Variants in RAB13 observed in about 807,000 individuals in gnomAD.
RAB13 encodes RAB13, member RAS oncogene family, also known as ras-related protein Rab-13.
In RAB13, 15 loss-of-function variants were observed where a neutral mutation model predicts 29.3. The observed-to-expected ratio is 0.51, with a 90% CI of 0.34 to 0.79. The LOEUF (loss-of-function observed/expected upper bound fraction) is 0.79, where lower values mean the gene tolerates loss of function less well. Ranked by LOEUF, RAB13 falls within the 30% of genes least tolerant of loss-of-function variation. RAB13 has a pLI of 0.01. For synonymous variants in RAB13, 82 were observed against 93.8 expected (o/e 0.87, Z 0.73); for missense variants, 186 against 255.5 (o/e 0.73, Z 1.85).
upstream of RAB13, among the ~76,000 whole-genome samples, chr1:153,989,151 C>T (rs1402084212): frequency 7.2e-6 from 1 of 139,174 alleles, no homozygotes; most frequent in African/African-American, 2.6e-5. Context: ...ACGCTGGTCT[C>T]GAACTCCCGA....
intron 2 of RAB13, 152 bp from the exon 3 acceptor site, chr1:153,983,733 G>T: frequency 1.5e-6 from 1 of 677,792 alleles, no homozygotes; most frequent in Non-Finnish European, 2.5e-6. Flanking sequence ...AGACAGTTGA[G>T]CTGATTTCCA....
upstream of RAB13, chr1:153,986,413 C>A: frequency 3.3e-6 from 2 of 606,744 alleles, no homozygotes; most frequent in African/African-American, 1.9e-5. Flanking sequence ...ACCCCCTGCC[C>A]GCCCACCCTT....
At chr1:153,990,643 C>T (rs1639503484), upstream of RAB13, 3 of 941,052 alleles carry the variant, frequency 3.2e-6, no homozygotes. Context: ...AAAATGGCAG[C>T]TCCCTTGTCT....
chr1:153,983,317 C>A, intron 3 of RAB13, 21 bp from the exon 4 acceptor site: 1 of 1,607,634 alleles, frequency 6.2e-7, no homozygotes, highest in East Asian at 2.2e-5. Flanking sequence ...ACAAAATTCA[C>A]CTTGGACCAT....
At chr1:153,984,641 G>T (rs1649102736) in intron 2 of RAB13, 80 bp downstream of exon 2, 10 of 1,325,070 alleles carry the variant, frequency 7.5e-6, no homozygotes, top group South Asian at 1.2e-5. Context: ...GAAAGGAAGA[G>T]AAATGAAACA....
chr1:153,990,668 A>C, upstream of RAB13: 1 of 1,298,926 alleles, frequency 7.7e-7, no homozygotes, highest in Non-Finnish European at 1.1e-6. Context: ...ACTGCGGCGG[A>C]TCAAAGTAAG....
chr1:153,986,303 T>C lies in RAB13; in HGVS notation c.-67A>G. The C allele has an allele frequency of 1.4e-6, 2 of 1,380,414 alleles. No individual in the cohort carries two copies. The highest frequency in any genetic ancestry group is 2.4e-5 in the South Asian group (2 of 82,928). 85.5% of individuals were successfully genotyped at this position (1,380,414 alleles called of 1,614,324 possible). Reference sequence around the variant, plus strand: ...GGCACTGGTAGGCGGGACTGGACGGTTGGCAAACAGAGCGGCACGGAGCCC... The same window carrying C: ...GGCACTGGTAGGCGGGACTGGACGGCTGGCAAACAGAGCGGCACGGAGCCC... On this transcript the variant is annotated 5_prime_UTR_variant, in exon 1 of 8. Transcript: ENST00000368575.
chr1:153,990,329 G>A (rs531838241), upstream of RAB13, among the ~76,000 whole-genome samples: 4 of 152,286 alleles, frequency 2.6e-5, no homozygotes, highest in East Asian at 1.9e-4. Context: ...GCCTCCCTAA[G>A]TGCTGGGATT....
At chr1:153,988,338 G>C (rs1649248309), upstream of RAB13, among the ~76,000 whole-genome samples, 1 of 139,114 alleles carries the variant, frequency 7.2e-6, no homozygotes, top group South Asian at 2.3e-4. Context: ...TGTCGACCTA[G>C]GCTGGGGTGC....
In RAB13 at chr1:153,982,724, C is replaced by T. The variant is rs757844951; in HGVS notation, c.409G>A (p.Asp137Asn). The T allele has an allele frequency of 1.4e-5, 22 of 1,614,080 alleles. No individual in the cohort carries two copies. Among genetic ancestry groups the T allele is most frequent in the Admixed American group, 1.0e-4 (6 of 60,004 alleles). ...AKRKVQKEQA[D>N]KLAREHGIRF... Reference sequence around the variant, plus strand: ...TTGCTCAGCCTGGCCCTCACCTTATCGGCCTGCTCCTTCTGCACCTTCCTC... The same window carrying T: ...TTGCTCAGCCTGGCCCTCACCTTATTGGCCTGCTCCTTCTGCACCTTCCTC... The change falls in exon 5 of 8, where the codon GAT becomes AAT. Residue 137 changes from aspartate to asparagine, a missense_variant. Asp to Asn is a conservative substitution (Grantham distance 23, BLOSUM62 1). Coordinates refer to ENST00000368575, the MANE Select transcript of RAB13 (RefSeq NM_002870.5).
upstream of RAB13, among the ~76,000 whole-genome samples, chr1:153,988,440 C>T (rs2147864265): frequency 6.7e-6 from 1 of 148,450 alleles, no homozygotes; most frequent in South Asian, 2.1e-4. Flanking sequence ...ACTACAGGCG[C>T]CCGCCACCAC....
chr1:153,986,266 TG>T lies in RAB13; in HGVS notation c.-31del. On this transcript the variant is annotated 5_prime_UTR_variant, in exon 1 of 8. Coordinates refer to ENST00000368575, the MANE Select transcript of RAB13 (RefSeq NM_002870.5). ...GACACCGGGGGAGCCGGGGGAGGGGTGGGGAGCGCCCGGCACTGGTAGGCGG... is the reference window on the plus strand; with the variant it reads ...GACACCGGGGGAGCCGGGGGAGGGGTGGGAGCGCCCGGCACTGGTAGGCGG... 6.3e-7 allele frequency: 1 copy of T among 1,593,758 alleles called. No homozygotes were observed. The highest frequency in any genetic ancestry group is 8.6e-7 in the Non-Finnish European group (1 of 1,166,376).
upstream of RAB13, among the ~76,000 whole-genome samples, chr1:153,988,290 C>A (rs1238541863): frequency 2.2e-5 from 3 of 134,804 alleles, no homozygotes; most frequent in Non-Finnish European, 3.2e-5. Context: ...CCACGCCTGG[C>A]CCTATTTTTT....
intron 1 of RAB13, 184 bp downstream of exon 1, chr1:153,985,929 G>C: frequency 9.8e-7 from 1 of 1,020,282 alleles, no homozygotes. Context: ...AGGCCTCAGA[G>C]AGGTGAGAGG....
upstream of RAB13, chr1:153,986,451 C>T: frequency 5.5e-6 from 3 of 547,438 alleles, no homozygotes; most frequent in Non-Finnish European, 6.5e-6. Flanking sequence ...GCCAGCCCGG[C>T]CTCTGTTCTC....
chr1:153,987,962 A>C (rs1249205148), upstream of RAB13, among the ~76,000 whole-genome samples: 2 of 151,474 alleles, frequency 1.3e-5, no homozygotes, highest in African/African-American at 4.9e-5. Context: ...CTGTTTCAAA[A>C]AAATTTTTTA....
rs200514734 is a variant in RAB13 at position 153,982,205 on chromosome 1, G to A, written c.535-29C>T. 1.5e-4 allele frequency: 244 copies of A among 1,593,882 alleles called. 1 individual carries two copies. In the African/African-American group the frequency reaches 3.0e-3, roughly 19 times the overall value. ...GAGGGAGAAGGGCACAGGTGTCATG[G>A]TGTGAATGGATGGTTAGGGTAGGAG... On this transcript the variant is annotated intron_variant, in intron 7 of 7. Transcript: ENST00000368575.
At chr1:153,984,576 C>T in intron 2 of RAB13, 145 bp downstream of exon 2, 1 of 688,342 alleles carries the variant, frequency 1.5e-6, no homozygotes, top group Non-Finnish European at 2.5e-6. Context: ...CAGCTGAGTG[C>T]ATCCGGAGAA....
At chr1:153,988,654 C>T (rs1649256849), upstream of RAB13, among the ~76,000 whole-genome samples, 2 of 149,144 alleles carry the variant, frequency 1.3e-5, no homozygotes, top group Middle Eastern at 3.4e-3. Flanking sequence ...GCTCTTGTTG[C>T]GTAGGCTGGG....
Sources: gnomAD v4.1 joint callset for allele counts (sites outside exome capture counted in the v4.1 genomes callset) on GRCh38, gnomAD v4.1.1 for gene constraint, MANE v1.5 for transcripts, NCBI Gene and HGNC (gene_info 2026-07-23, HGNC 2026-07-21) for gene names.